Variants in FYB1 observed in about 807,000 individuals in gnomAD.
The protein encoded by FYB1 is FYN binding protein 1, also known as FYN-binding protein 1.
In FYB1, 41 loss-of-function variants were observed where a neutral mutation model predicts 94.1. The observed-to-expected ratio is 0.44, with a 90% confidence interval of 0.34 to 0.57. The LOEUF is 0.57. Among genes scored for constraint, FYB1 ranks in the 20% least tolerant of loss-of-function variants. The pLI is 0.02. For missense variants in FYB1, 1,050 were observed against 976.8 expected (o/e 1.07, Z -1.00); for synonymous variants, 367 against 353.2 (o/e 1.04, Z -0.44).
At chr5:39,237,528 G>A (rs548845781) in intron 1 of FYB1, among the ~76,000 whole-genome samples, 2 of 151,850 alleles carry the variant, frequency 1.3e-5, no homozygotes, top group African/African-American at 4.8e-5. Context: ...CAATCAATAA[G>A]ATATCATCAT....
chr5:39,202,345 T>C lies in FYB1; in HGVS notation c.616A>G (p.Thr206Ala). The stretch of plus-strand genomic sequence containing the variant: ...CTTTCGTCTTCATGGGAGTTCTCGG[T>C]ACTTAGGGGCGGCTTCTGGCCAAAG... Reference protein sequence around the residue: ...PAFGQKPPLSTENSHEDESPM... With the variant: ...PAFGQKPPLSAENSHEDESPM... Residue 206 changes from threonine to alanine, a missense_variant, in exon 2 of 19, where the codon ACC becomes GCC. Transcript: ENST00000512982. 6.2e-7 allele frequency: 1 copy of C among 1,613,888 alleles called. No homozygotes were observed. Among genetic ancestry groups the C allele is most frequent in the Non-Finnish European group, 8.5e-7 (1 of 1,179,878 alleles).
At chr5:39,254,825 G>T (rs149598447) in intron 1 of FYB1, among the ~76,000 whole-genome samples, 3 of 152,288 alleles carry the variant, frequency 2.0e-5, no homozygotes, top group African/African-American at 7.2e-5. Context: ...AGAGGGATTA[G>T]TGCTGGAGAG....
intron 1 of FYB1, among the ~76,000 whole-genome samples, chr5:39,259,097 T>C (rs749654919): frequency 6.6e-6 from 1 of 152,236 alleles, no homozygotes; most frequent in African/African-American, 2.4e-5. Context: ...TGGGCCATTC[T>C]ATCACATCTG....
intron 2 of FYB1, among the ~76,000 whole-genome samples, chr5:39,165,119 C>T (rs1455768218): frequency 6.6e-6 from 1 of 152,134 alleles, no homozygotes; most frequent in Admixed American, 6.5e-5. Context: ...ACTATTGTTG[C>T]CATTGCTTAC....
chr5:39,188,226 C>T (rs1351501566), intron 2 of FYB1, among the ~76,000 whole-genome samples: 1 of 152,070 alleles, frequency 6.6e-6, no homozygotes, highest in African/African-American at 2.4e-5. Flanking sequence ...TCCAAGTGGT[C>T]AGAGCTATGC....
intron 4 of FYB1, 67 bp from the exon 5 acceptor site, chr5:39,139,319 GGATAT>G: frequency 8.2e-7 from 1 of 1,226,818 alleles, no homozygotes; most frequent in East Asian, 2.7e-5. Context: ...TAAGATTATT[GGATAT>G]GATATAATAA....
intron 2 of FYB1, among the ~76,000 whole-genome samples, chr5:39,162,227 T>G (rs547528757): frequency 2.6e-4 from 39 of 152,336 alleles, no homozygotes; most frequent in African/African-American, 8.4e-4. Flanking sequence ...TAACTCCATA[T>G]TCAACCTTCT....
intron 12 of FYB1, among the ~76,000 whole-genome samples, chr5:39,125,292 A>G (rs1740539859): frequency 6.6e-6 from 1 of 152,162 alleles, no homozygotes; most frequent in African/African-American, 2.4e-5. Flanking sequence ...AATATAAAAC[A>G]GAAAGATTTT....
At chr5:39,194,885 C>G (rs577518983) in intron 2 of FYB1, among the ~76,000 whole-genome samples, 15 of 152,196 alleles carry the variant, frequency 9.9e-5, no homozygotes, top group South Asian at 2.1e-4. Context: ...TGGACAACTG[C>G]TTTTTCAGGG....
intron 1 of FYB1, among the ~76,000 whole-genome samples, chr5:39,269,115 T>A (rs950168616): frequency 1.3e-5 from 2 of 151,944 alleles, no homozygotes; most frequent in African/African-American, 2.4e-5. Flanking sequence ...AGTGGCGTGA[T>A]CTCGGCTCAC....
rs1579786910 is a variant in FYB1, at chr5:39,251,948, T to A, written c.-28+22455A>T. Among the ~76,000 whole-genome samples the A allele has an allele frequency of 3.3e-5, 5 of 152,056 alleles. No individual in the cohort carries two copies. In the South Asian group the frequency reaches 8.3e-4, roughly 25 times the overall value. ...TCACGAGGTCAGGAGATCAAGACCA[T>A]CCTGGCTAACACGGTGAAACCCCAT... On this transcript the variant is annotated intron_variant, in intron 1 of 1. Coordinates refer to the FYB1 transcript ENST00000510188.
In FYB1 at chr5:39,114,614, A is replaced by C. The variant is rs377427264; in HGVS notation, c.2402-4225T>G. On this transcript the variant is annotated intron_variant, in intron 16 of 18. Transcript: ENST00000512982. ...ATCAAAGATGCAGAAATAAGGAACC[A>C]AAAGATTTAGAGGCTCTGCAATGGC... is the stretch of plus-strand genomic sequence containing the variant. 9.3e-4 allele frequency among the ~76,000 whole-genome samples: 141 copies of C among 152,338 alleles called. 1 individual carries two copies. Among genetic ancestry groups the C allele is most frequent in the African/African-American group, 3.3e-3 (136 of 41,572 alleles).
At chr5:39,268,702 G>A (rs1752539830) in intron 1 of FYB1, among the ~76,000 whole-genome samples, 2 of 151,888 alleles carry the variant, frequency 1.3e-5, no homozygotes, top group South Asian at 4.2e-4. Context: ...AGTAGCTGGG[G>A]TTACAGGCAT....
intron 2 of FYB1, among the ~76,000 whole-genome samples, chr5:39,180,610 T>C (rs753368224): frequency 2.6e-5 from 4 of 152,156 alleles, no homozygotes; most frequent in Non-Finnish European, 5.9e-5. Context: ...AAGAAAACAG[T>C]TGAGATGGAA....
intron 1 of FYB1, among the ~76,000 whole-genome samples, chr5:39,245,759 C>A (rs1452231317): frequency 6.6e-6 from 1 of 152,108 alleles, no homozygotes; most frequent in Non-Finnish European, 1.5e-5. Flanking sequence ...CCACTACAAC[C>A]AGCTAGTTTT....
intron 10 of FYB1, among the ~76,000 whole-genome samples, chr5:39,128,887 A>C (rs1033726982): frequency 6.6e-6 from 1 of 152,156 alleles, no homozygotes; most frequent in Admixed American, 6.5e-5. Context: ...AATATTGCTA[A>C]AAGGACCATA....
intron 1 of FYB1, among the ~76,000 whole-genome samples, chr5:39,206,085 A>G (rs1748831102): frequency 6.6e-6 from 1 of 152,246 alleles, no homozygotes; most frequent in African/African-American, 2.4e-5. Context: ...AGTAGCTAGA[A>G]CTAATGTACT....
At chr5:39,187,333 C>T (rs1338953143) in intron 2 of FYB1, among the ~76,000 whole-genome samples, 1 of 152,192 alleles carries the variant, frequency 6.6e-6, no homozygotes, top group Non-Finnish European at 1.5e-5. Context: ...GAAGATCCAA[C>T]GATAAAGCAT....
At chr5:39,189,206 C>G (rs1458690791) in intron 2 of FYB1, among the ~76,000 whole-genome samples, 1 of 146,596 alleles carries the variant, frequency 6.8e-6, no homozygotes, top group African/African-American at 2.5e-5. Flanking sequence ...AATCCTAGGT[C>G]TGGCAGAAGA....
Sources: gnomAD v4.1 joint callset for allele counts (sites outside exome capture counted in the v4.1 genomes callset) on GRCh38, gnomAD v4.1.1 for gene constraint, MANE v1.5 for transcripts, NCBI Gene and HGNC (gene_info 2026-07-23, HGNC 2026-07-21) for gene names.